EPS8L2: variants seen among roughly 807,000 people sequenced by gnomAD.
The protein encoded by EPS8L2 is EPS8 signaling adaptor L2.
In EPS8L2, 81 loss-of-function variants were observed where a neutral mutation model predicts 99.4. That is an observed-to-expected ratio of 0.82 (90% CI 0.68 to 0.98). The LOEUF is 0.98. Ranked by LOEUF, EPS8L2 falls within the 50% of genes least tolerant of loss-of-function variation. EPS8L2 has a pLI of 0.00. For synonymous variants in EPS8L2, 509 were observed against 407.3 expected (o/e 1.25, Z -3.01); for missense variants, 1,155 against 968.8 (o/e 1.19, Z -2.55).
chr11:716,848 G>C (rs1862039078), intron 4 of EPS8L2, among the ~76,000 whole-genome samples: 1 of 152,166 alleles, frequency 6.6e-6, no homozygotes, highest in Non-Finnish European at 1.5e-5. Context: ...GATTTACTGA[G>C]ACTTGTTCTG....
intron 5 of EPS8L2, 90 bp from the exon 6 acceptor site, chr11:720,507 T>A: frequency 6.5e-7 from 1 of 1,539,426 alleles, no homozygotes; most frequent in Non-Finnish European, 8.8e-7. Flanking sequence ...CAGAGGGGCC[T>A]GTGCTCCAGG....
At position 709,421 on chromosome 11, in the gene EPS8L2, G is replaced by C. The variant is rs1390378489; in HGVS notation, c.14G>C (p.Gly5Ala). Residue 5 changes from glycine to alanine, a missense_variant, in exon 2 of 21, where the codon GGG becomes GCG. Gly to Ala is a moderately conservative substitution (Grantham distance 60). Coordinates refer to ENST00000318562, the MANE Select transcript of EPS8L2 (RefSeq NM_022772.4). The part of the protein sequence containing the change: MSQS[G>A]AVSCCPGATN... ...ACCCAAGACACCATGAGCCAGTCCG[G>C]GGCCGTGAGCTGCTGCCCGGGTGCC... 1 of 1,592,416 alleles carries C rather than the reference G, an allele frequency of 6.3e-7. No homozygotes were observed. Among genetic ancestry groups the C allele is most frequent in the African/African-American group, 1.3e-5 (1 of 74,368 alleles).
At chr11:707,167 G>A (rs1395641474) in intron 1 of EPS8L2, among the ~76,000 whole-genome samples, 2 of 151,608 alleles carry the variant, frequency 1.3e-5, no homozygotes, top group East Asian at 3.9e-4. Context: ...AGCCTCTCCC[G>A]GGCCTGCTTA....
At position 727,645 on chromosome 11, in the gene EPS8L2, G is replaced by A. The variant is rs1408698418; in HGVS notation, c.*664G>A. On this transcript the variant is annotated 3_prime_UTR_variant, in exon 21 of 21. Transcript: ENST00000318562. ...GTTGGGGGTGCTGGTGTGTCTTGGT[G>A]CCTGGACTTGAGTCTCACCCTACAG... 1 of 153,170 alleles carries A rather than the reference G, an allele frequency of 6.5e-6. No homozygotes were observed. Among genetic ancestry groups the A allele is most frequent in the Non-Finnish European group, 1.5e-5 (1 of 68,246 alleles). The allele number at this position is 153,170 out of a possible 1,614,324, so 9.5% of individuals were successfully genotyped here.
Position 720,235 on chromosome 11 carries a change from C to A in EPS8L2, c.327+12C>A, listed in dbSNP as rs778913043. 3 of 1,612,186 alleles carry A rather than the reference C, an allele frequency of 1.9e-6. No individual in the cohort carries two copies. Among genetic ancestry groups the A allele is most frequent in the Admixed American group, 1.7e-5 (1 of 59,944 alleles). The stretch of plus-strand genomic sequence containing the variant: ...ACATCGAGTCACAGGTGGGGCCCAG[C>A]GCCACGGGGGACAGGGAGCACAGTG... On this transcript the variant is annotated intron_variant, in intron 5 of 20. Transcript: ENST00000318562.
chr11:717,354 A>G (rs1001215309), intron 4 of EPS8L2, among the ~76,000 whole-genome samples: 1 of 152,156 alleles, frequency 6.6e-6, no homozygotes, highest in African/African-American at 2.4e-5. Flanking sequence ...AGTCTTTATT[A>G]TTACAAATAG....
chr11:726,975 C>G lies in EPS8L2; in HGVS notation c.2142C>G (p.Asp714Glu), dbSNP rs764456761. 6.2e-7 allele frequency: 1 copy of G among 1,611,766 alleles called. No homozygotes were observed. Among genetic ancestry groups the G allele is most frequent in the Non-Finnish European group, 8.5e-7 (1 of 1,178,750 alleles). ...CCATGAATCAGAGGAGGGGGGAGGA[C>G]AGCTAGGCCCAGCTGCCTTGGGCTG... ...FHSMNQRRGEDS is the reference protein window; with the variant it reads ...FHSMNQRRGEES The change falls in exon 21 of 21, where the codon GAC (aspartate) becomes GAG (glutamate). Residue 714 changes from aspartate to glutamate, a missense_variant. Coordinates refer to ENST00000318562, the MANE Select transcript of EPS8L2 (RefSeq NM_022772.4).
At chr11:708,676 G>A (rs1861797396) in intron 1 of EPS8L2, 2 of 152,402 alleles carry the variant, frequency 1.3e-5, no homozygotes, top group African/African-American at 4.8e-5. Flanking sequence ...GGACCCCAGG[G>A]TTTCCTGCCC....
At position 727,359 on chromosome 11, in the gene EPS8L2, T is replaced by C. The variant is rs529321822; in HGVS notation, c.*378T>C. The C allele has an allele frequency of 1.5e-3, 249 of 169,046 alleles. 1 individual carries two copies. Among genetic ancestry groups the C allele is most frequent in the South Asian group, 8.4e-3 (63 of 7,520 alleles). The allele number at this position is 169,046 out of a possible 1,614,324, so 10.5% of individuals were successfully genotyped here. A position where few individuals can be genotyped will look rare whatever the true frequency, so the allele number is the denominator to read the frequency against. On this transcript the variant is annotated 3_prime_UTR_variant, in exon 21 of 21. Transcript: ENST00000318562. ...TTCTACATCCATCCACACCCCAGGG[T>C]GAGCTGGAGCTCCAGGCTGGCCAGG... is the stretch of plus-strand genomic sequence containing the variant.
At chr11:726,521 A>AG (rs1191807303) in intron 19 of EPS8L2, 37 bp downstream of exon 19, 4 of 1,312,696 alleles carry the variant, frequency 3.0e-6, no homozygotes, top group Admixed American at 2.5e-5. Context: ...GGCCCGGGCG[A>AG]GGGGTGGGAG....
In EPS8L2 at chr11:726,895, C is replaced by T. The variant is rs752076498; in HGVS notation, c.2068-6C>T. 6.8e-5 allele frequency: 109 copies of T among 1,611,872 alleles called. No homozygotes were observed. The highest frequency in any genetic ancestry group is 9.0e-5 in the Non-Finnish European group (106 of 1,179,352). ...GGCTGAGGATGCCCCCATTTCTCCT[C>T]CCTAGAAGCAGCAAAGTGGGTCGGA... On this transcript the variant is annotated splice_region_variant and splice_polypyrimidine_tract_variant and intron_variant, in intron 20 of 20. Transcript: ENST00000318562.
Position 724,197 on chromosome 11 carries a change from C to T in EPS8L2, c.1455-527C>T, listed in dbSNP as rs1351893693. Among the ~76,000 whole-genome samples, 1 of 152,150 alleles carries T rather than the reference C, an allele frequency of 6.6e-6. No homozygotes were observed. Among genetic ancestry groups the T allele is most frequent in the Non-Finnish European group, 1.5e-5 (1 of 68,016 alleles). ...CCAGGTGACAGCCACAGGCCTGCTA[C>T]ATGCCAAAGCCAGGACCCCTCAGCC... On this transcript the variant is annotated intron_variant, in intron 15 of 20. Transcript: ENST00000318562. The surrounding 1 kb of genome is among the most constrained non-coding windows in gnomAD (Gnocchi z 5.5).
intron 3 of EPS8L2, chr11:709,886 G>T (rs1861837767): frequency 5.6e-6 from 3 of 538,136 alleles, no homozygotes; most frequent in Non-Finnish European, 1.0e-5. Context: ...TCACAGCGAG[G>T]TTCAGGCAGG....
At position 727,300 on chromosome 11, in the gene EPS8L2, C is replaced by A; in HGVS notation, c.*319C>A. 1 of 258,646 alleles carries A rather than the reference C, an allele frequency of 3.9e-6. No individual in the cohort carries two copies. The allele number at this position is 258,646 out of a possible 1,614,324, so 16.0% of individuals were successfully genotyped here. ...GCCTCCCCTGTGCACCTGGGGGGTC[C>A]TGGCCCCTGTGATGCTCCCCCATCC... is the stretch of plus-strand genomic sequence containing the variant. On this transcript the variant is annotated 3_prime_UTR_variant, in exon 21 of 21. Coordinates refer to ENST00000318562, the MANE Select transcript of EPS8L2 (RefSeq NM_022772.4).
At position 710,414 on chromosome 11, in the gene EPS8L2, C is replaced by T. The variant is rs377044318; in HGVS notation, c.101-8C>T. On this transcript the variant is annotated splice_region_variant and splice_polypyrimidine_tract_variant and intron_variant, in intron 3 of 20. Coordinates refer to ENST00000318562, the MANE Select transcript of EPS8L2 (RefSeq NM_022772.4). ...CGTCGGGGGAGTGACTGGTGTCTCC[C>T]GGTTCAGAGCAGAGGAAGAAGTATT... 5.6e-6 allele frequency: 9 copies of T among 1,613,100 alleles called. No individual in the cohort carries two copies. The highest frequency in any genetic ancestry group is 5.0e-5 in the Admixed American group (3 of 59,994).
At chr11:726,225 G>A in intron 18 of EPS8L2, 55 bp downstream of exon 18, 1 of 1,567,774 alleles carries the variant, frequency 6.4e-7, no homozygotes, top group Non-Finnish European at 8.7e-7. Context: ...CCTGGGGGAG[G>A]AAGTGTGGGG....
chr11:715,794 G>C (rs929300276), intron 4 of EPS8L2, among the ~76,000 whole-genome samples: 5 of 149,646 alleles, frequency 3.3e-5, no homozygotes, highest in Non-Finnish European at 7.4e-5. Flanking sequence ...CTAATTTTTT[G>C]TATTTTTAGT....
intron 4 of EPS8L2, among the ~76,000 whole-genome samples, chr11:717,735 C>A (rs1001265835): frequency 6.6e-5 from 10 of 152,114 alleles, no homozygotes; most frequent in African/African-American, 2.4e-4. Context: ...ATAGGCAGGG[C>A]ACAGTGGCTC....
chr11:716,218 A>G (rs12808216), intron 4 of EPS8L2, among the ~76,000 whole-genome samples: 101,391 of 150,306 alleles, frequency 0.67, 35,447 homozygotes, highest in African/African-American at 0.86. Flanking sequence ...GCACCATCTC[A>G]GCTCACAGCA....
Sources: allele counts gnomAD v4.1 joint callset (sites outside exome capture counted in the v4.1 genomes callset), GRCh38; gene constraint gnomAD v4.1.1; non-coding constraint Gnocchi (gnomAD v3.1); transcripts MANE v1.5; gene names NCBI Gene and HGNC (gene_info 2026-07-23, HGNC 2026-07-21).